Variants in NEK11 observed in about 807,000 individuals in gnomAD.
NEK11 encodes the protein serine/threonine-protein kinase Nek11.
NEK11 carries 72 observed loss-of-function variants against 80.7 expected under a neutral mutation model. The ratio of observed to expected loss-of-function variants is 0.89; its 90% confidence interval spans 0.74 to 1.08. The LOEUF (loss-of-function observed/expected upper bound fraction) is 1.08. Ranked by LOEUF, NEK11 falls within the 50% of genes least tolerant of loss-of-function variation. The probability of loss-of-function intolerance (pLI) is 0.00; values close to 1 mark genes in which losing one functional copy is unlikely to be tolerated. For missense variants in NEK11, 764 were observed against 763.6 expected, an observed-to-expected ratio of 1.00 and a Z score of -0.01; for synonymous variants, 251 against 260.7, an observed-to-expected ratio of 0.96 and a Z score of 0.36.
At chr3:131,073,830 G>A (rs1455164485) in intron 3 of NEK11, among the ~76,000 whole-genome samples, 3 of 152,156 alleles carry the variant, frequency 2.0e-5, no homozygotes, top group Non-Finnish European at 4.4e-5. Context: ...CCAACTGCCT[G>A]CACATGCAAT....
intron 5 of NEK11, among the ~76,000 whole-genome samples, chr3:131,130,236 C>T (rs2084181076): frequency 6.6e-6 from 1 of 152,010 alleles, no homozygotes; most frequent in Admixed American, 6.6e-5. Context: ...TCTACTTGTT[C>T]ATTGCTGGTA....
chr3:131,072,715 C>T (rs552628209), intron 3 of NEK11, among the ~76,000 whole-genome samples: 1 of 152,240 alleles, frequency 6.6e-6, no homozygotes, highest in Admixed American at 6.5e-5. Context: ...TTCCAGAAAG[C>T]TGTCTCCTCC....
intron 14 of NEK11, among the ~76,000 whole-genome samples, chr3:131,187,745 C>T (rs919197599): frequency 5.9e-5 from 9 of 152,236 alleles, no homozygotes; most frequent in African/African-American, 2.2e-4. Context: ...TAGGACCAAA[C>T]ACTGTGATAC....
chr3:131,225,011 C>T (rs900148608), intron 14 of NEK11, among the ~76,000 whole-genome samples: 2 of 152,022 alleles, frequency 1.3e-5, no homozygotes, highest in Non-Finnish European at 2.9e-5. Flanking sequence ...GTAGTGTAGC[C>T]TAAGTGTCCA....
chr3:131,286,561 A>G (rs1436210732), intron 17 of NEK11, among the ~76,000 whole-genome samples: 1 of 152,220 alleles, frequency 6.6e-6, no homozygotes, highest in Non-Finnish European at 1.5e-5. Flanking sequence ...ATTTTGAAAT[A>G]TCTATATTAT....
chr3:131,063,717 T>C (rs990791493), intron 3 of NEK11, among the ~76,000 whole-genome samples: 6 of 152,110 alleles, frequency 3.9e-5, no homozygotes, highest in Non-Finnish European at 7.4e-5. Flanking sequence ...AAAGTAGTAT[T>C]TGAAAAATGA....
chr3:131,349,608 C>T lies in NEK11; in HGVS notation c.1770C>T (p.Tyr590=). Residue 590 remains tyrosine, a synonymous_variant, in exon 18 of 18, where the codon TAC becomes TAT. Transcript: ENST00000383366. Reference sequence around the variant, plus strand: ...AAGTATTTGAAGAGGTCTATAATTACCTCAAGAGAGCAAGGCATCAGAATG... The same window carrying T: ...AAGTATTTGAAGAGGTCTATAATTATCTCAAGAGAGCAAGGCATCAGAATG... ...GTEVFEEVYN[Y]LKRARHQNAS... The T allele has an allele frequency of 1.3e-5, 21 of 1,614,110 alleles. No homozygotes were observed. The highest frequency in any genetic ancestry group is 1.7e-5 in the Non-Finnish European group (20 of 1,179,988).
chr3:131,057,761 T>C (rs1185416121), intron 3 of NEK11, among the ~76,000 whole-genome samples: 3 of 151,094 alleles, frequency 2.0e-5, no homozygotes, highest in Non-Finnish European at 4.5e-5. Flanking sequence ...TAAATTTGTT[T>C]GAGTTCATTG....
chr3:131,316,026 G>A (rs1463605561), intron 17 of NEK11, among the ~76,000 whole-genome samples: 2 of 151,808 alleles, frequency 1.3e-5, no homozygotes, highest in Non-Finnish European at 2.9e-5. Flanking sequence ...TTCTATATAT[G>A]GATATACAAA....
At position 131,079,706 on chromosome 3, in the gene NEK11, T is replaced by C. The variant is rs150335833; in HGVS notation, c.171-717T>C. 8.6e-3 allele frequency among the ~76,000 whole-genome samples: 1,304 copies of C among 152,364 alleles called. 23 individuals are homozygous for C. Among genetic ancestry groups the C allele is most frequent in the African/African-American group, 0.03 (1,235 of 41,592 alleles). On this transcript the variant is annotated intron_variant, in intron 3 of 17. Coordinates refer to ENST00000383366, the MANE Select transcript of NEK11 (RefSeq NM_024800.5). ...ATTTAATGAGCTCTTCTTTCATTTA[T>C]ACATGTTAGAAATACTAAATATCTC...
chr3:131,233,967 A>G (rs2095383727), intron 15 of NEK11, among the ~76,000 whole-genome samples: 1 of 152,234 alleles, frequency 6.6e-6, no homozygotes, highest in Admixed American at 6.5e-5. Flanking sequence ...GCAGAACTGG[A>G]CTGTATGAAT....
intron 17 of NEK11, among the ~76,000 whole-genome samples, chr3:131,284,517 G>A (rs2108863569): frequency 6.6e-6 from 1 of 152,290 alleles, no homozygotes; most frequent in Non-Finnish European, 1.5e-5. Context: ...GGTTAAGTGA[G>A]TGTCAACTTT....
chr3:131,076,693 A>G (rs991301156), intron 3 of NEK11, among the ~76,000 whole-genome samples: 2 of 152,220 alleles, frequency 1.3e-5, no homozygotes, highest in African/African-American at 4.8e-5. Context: ...TCAGGGTCAC[A>G]GCTCTGAAAT....
At chr3:131,346,218 A>G (rs2097361414) in intron 17 of NEK11, among the ~76,000 whole-genome samples, 1 of 152,220 alleles carries the variant, frequency 6.6e-6, no homozygotes, top group Non-Finnish European at 1.5e-5. Context: ...TAACTATGTG[A>G]GGTCATAGAT....
At chr3:131,161,155 A>AG (rs2091509889) in intron 10 of NEK11, among the ~76,000 whole-genome samples, 1 of 151,686 alleles carries the variant, frequency 6.6e-6, no homozygotes, top group Non-Finnish European at 1.5e-5. Flanking sequence ...ATCTCAAAAA[A>AG]AAAAAAAAAG....
chr3:131,094,206 C>A (rs964480826), intron 4 of NEK11, among the ~76,000 whole-genome samples: 1 of 151,374 alleles, frequency 6.6e-6, no homozygotes, highest in Non-Finnish European at 1.5e-5. Context: ...TCTGGTGTTG[C>A]TTCCAAAAGA....
At chr3:131,035,388 C>CA (rs2065488183) in intron 3 of NEK11, among the ~76,000 whole-genome samples, 1 of 152,026 alleles carries the variant, frequency 6.6e-6, no homozygotes, top group Non-Finnish European at 1.5e-5. Context: ...CCCCAAAAGC[C>CA]AAAAAAGTCT....
chr3:131,205,433 G>T (rs1338523308), intron 14 of NEK11, among the ~76,000 whole-genome samples: 1 of 151,998 alleles, frequency 6.6e-6, no homozygotes, highest in South Asian at 2.1e-4. Flanking sequence ...TCAAGTGTCA[G>T]GAAAAAAGGC....
At chr3:131,270,641 G>A (rs573213487) in intron 16 of NEK11, among the ~76,000 whole-genome samples, 1 of 152,286 alleles carries the variant, frequency 6.6e-6, no homozygotes, top group African/African-American at 2.4e-5. Context: ...AAGAAACACT[G>A]AAAAAGGAAT....
Sources: allele counts gnomAD v4.1 joint callset (sites outside exome capture counted in the v4.1 genomes callset), GRCh38; gene constraint gnomAD v4.1.1; transcripts MANE v1.5; gene names NCBI Gene and HGNC (gene_info 2026-07-23, HGNC 2026-07-21).